The following CDHR2 variants were observed in gnomAD, a reference collection of about 807,000 sequenced individuals.
CDHR2 encodes the protein cadherin-related family member 2.
In CDHR2, 104 loss-of-function variants were observed where a neutral mutation model predicts 138.6. That is an observed-to-expected ratio of 0.75 (90% confidence interval 0.64 to 0.88). The LOEUF is 0.88. Ranked by LOEUF, CDHR2 falls within the 40% of genes least tolerant of loss-of-function variation. The pLI is 0.00. For missense variants in CDHR2, 1,624 were observed against 1,727.6 expected, an observed-to-expected ratio of 0.94 and a Z score of 1.06; for synonymous variants, 755 against 742.8, an observed-to-expected ratio of 1.02 and a Z score of -0.27.
chr5:176,575,654 C>T, intron 10 of CDHR2, 70 bp from the exon 11 acceptor site: 1 of 1,597,268 alleles, frequency 6.3e-7, no homozygotes, highest in East Asian at 2.2e-5. Context: ...TCCCTGGAGG[C>T]AATGGGCCTG....
chr5:176,587,500 T>A (rs1463885150), intron 21 of CDHR2, among the ~76,000 whole-genome samples: 3 of 152,004 alleles, frequency 2.0e-5, no homozygotes, highest in Non-Finnish European at 4.4e-5. Flanking sequence ...ATAAAAAGGC[T>A]TTCAGCTGTT....
rs1368371468 is a variant in CDHR2 at position 176,589,496 on chromosome 5, G to C, written c.3118-32G>C. The C allele has an allele frequency of 1.9e-6, 3 of 1,613,198 alleles. No homozygotes were observed. The South Asian group carries it at 3.3e-5, about 18-fold the overall frequency. On this transcript the variant is annotated intron_variant, in intron 23 of 31. Coordinates refer to ENST00000261944, the MANE Select transcript of CDHR2 (RefSeq NM_017675.6). ...CCCTCTGCCAGCCCCCAGGGTCCCTGGTGCCTCATCTCCTGCACACCCCCT... is the reference window on the plus strand; with the variant it reads ...CCCTCTGCCAGCCCCCAGGGTCCCTCGTGCCTCATCTCCTGCACACCCCCT...
chr5:176,575,855 A>T lies in CDHR2; in HGVS notation c.960+16A>T. 6.5e-7 allele frequency: 1 copy of T among 1,544,876 alleles called. No homozygotes were observed. Among genetic ancestry groups the T allele is most frequent in the Non-Finnish European group, 8.8e-7 (1 of 1,142,630 alleles). ...GCAGGTCACGGTGAGCAAAGGCCCC[A>T]CCACCCCTGTCAGAACCCTGCTCTC... is the stretch of plus-strand genomic sequence containing the variant. On this transcript the variant is annotated intron_variant, in intron 11 of 31. Coordinates refer to ENST00000261944, the MANE Select transcript of CDHR2 (RefSeq NM_017675.6).
At chr5:176,578,673 T>C in intron 16 of CDHR2, 65 bp downstream of exon 16, 1 of 1,588,206 alleles carries the variant, frequency 6.3e-7, no homozygotes, top group South Asian at 1.1e-5. Context: ...TCTGTGGGCA[T>C]GCTGGCCCTG....
At chr5:176,545,607 A>G (rs1581124979), upstream of CDHR2, among the ~76,000 whole-genome samples, 1 of 152,294 alleles carries the variant, frequency 6.6e-6, no homozygotes, top group African/African-American at 2.4e-5. Flanking sequence ...GAACAGGCCT[A>G]TGAGGTGGAG....
In CDHR2 at chr5:176,589,318, C is replaced by T. The variant is rs373716042; in HGVS notation, c.3009-12C>T. ...GGTTCCAAGACTGACCTGCGCCTCC[C>T]GCCTTCCGCAGGCCGGTGACCAGCC... is the stretch of plus-strand genomic sequence containing the variant. On this transcript the variant is annotated splice_polypyrimidine_tract_variant and intron_variant, in intron 22 of 31. Coordinates refer to ENST00000261944, the MANE Select transcript of CDHR2 (RefSeq NM_017675.6). 45 of 1,555,080 alleles carry T rather than the reference C, an allele frequency of 2.9e-5. No individual in the cohort carries two copies. The highest frequency in any genetic ancestry group is 1.7e-4 in the Middle Eastern group (1 of 5,784).
chr5:176,578,519 C>T lies in CDHR2; in HGVS notation c.1729C>T (p.Leu577=). Residue 577 remains leucine, a synonymous_variant, in exon 16 of 32, where the codon CTG becomes TTG. Transcript: ENST00000261944. ...SSSTTLQIHL[L]DINDNAPVVS... ...CTCCACCACACTGCAGATCCACCTG[C>T]TGGACATCAACGACAATGCACCCGT... 1 of 1,614,172 alleles carries T rather than the reference C, an allele frequency of 6.2e-7. No individual in the cohort carries two copies. Among genetic ancestry groups the T allele is most frequent in the Non-Finnish European group, 8.5e-7 (1 of 1,180,024 alleles).
intron 21 of CDHR2, 52 bp downstream of exon 21, chr5:176,586,894 G>A (rs1275158956): frequency 3.3e-6 from 5 of 1,501,638 alleles, no homozygotes; most frequent in Admixed American, 1.8e-5. Flanking sequence ...AGGGGACACA[G>A]GGCTGAGGCC....
chr5:176,577,375 C>T, intron 12 of CDHR2, 24 bp from the exon 13 acceptor site: 1 of 1,595,776 alleles, frequency 6.3e-7, no homozygotes, highest in South Asian at 1.1e-5. Flanking sequence ...GGACAGGTCC[C>T]TGCTAGACAG....
At chr5:176,549,033 C>G (rs970272358), upstream of CDHR2, among the ~76,000 whole-genome samples, 3 of 152,188 alleles carry the variant, frequency 2.0e-5, no homozygotes, top group African/African-American at 7.2e-5. Flanking sequence ...AGGGAGGGGA[C>G]GGGGGCTCTG....
chr5:176,561,327 G>A lies in CDHR2; in HGVS notation c.-15-4011G>A, dbSNP rs1044780836. Among the ~76,000 whole-genome samples, 3 of 152,278 alleles carry A rather than the reference G, an allele frequency of 2.0e-5. No individual in the cohort carries two copies. In the East Asian group the frequency reaches 5.8e-4, roughly 29 times the overall value. Reference sequence around the variant, plus strand: ...TTACACTCTGCTCTATCTCATGGGTGTTCTGGATAAGCCACCTGGGGTTGC... The same window carrying A: ...TTACACTCTGCTCTATCTCATGGGTATTCTGGATAAGCCACCTGGGGTTGC... On this transcript the variant is annotated intron_variant, in intron 1 of 31. Coordinates refer to ENST00000261944, the MANE Select transcript of CDHR2 (RefSeq NM_017675.6).
intron 1 of CDHR2, among the ~76,000 whole-genome samples, chr5:176,559,352 C>A (rs531040364): frequency 6.6e-6 from 1 of 152,318 alleles, no homozygotes; most frequent in Admixed American, 6.5e-5. Flanking sequence ...AGCCCCATAA[C>A]CTTCTGATTC....
rs1356666147 is a variant in CDHR2, at chr5:176,577,490, T to C, written c.1286T>C (p.Val429Ala). Reference sequence around the variant, plus strand: ...GAGCGGGCAGTGGGCTCAGCCTCCGTTCAGGTGCTGGTGAGAGTATCCGCG... The same window carrying C: ...GAGCGGGCAGTGGGCTCAGCCTCCGCTCAGGTGCTGGTGAGAGTATCCGCG... ...SPERAVGSAS[V>A]QVLVRVSALV... Residue 429 changes from valine (V) to alanine (A), a missense_variant, in exon 13 of 32, where the codon GTT becomes GCT. By Grantham distance (64) the Val-to-Ala change is moderately conservative. Coordinates refer to ENST00000261944, the MANE Select transcript of CDHR2 (RefSeq NM_017675.6). 1 of 1,611,958 alleles carries C rather than the reference T, an allele frequency of 6.2e-7. No individual in the cohort carries two copies. Among genetic ancestry groups the C allele is most frequent in the Non-Finnish European group, 8.5e-7 (1 of 1,179,376 alleles).
At chr5:176,573,952 G>C (rs531835339) in intron 6 of CDHR2, 131 bp from the exon 7 acceptor site, 22 of 674,372 alleles carry the variant, frequency 3.3e-5, no homozygotes, top group Non-Finnish European at 5.3e-5. Flanking sequence ...CCGCAGCCCT[G>C]GTGGGAAGGA....
In CDHR2 at chr5:176,589,093, C is replaced by A; in HGVS notation, c.2919C>A (p.Phe973Leu). 3 of 1,614,126 alleles carry A rather than the reference C, an allele frequency of 1.9e-6. No homozygotes were observed. Among genetic ancestry groups the A allele is most frequent in the Non-Finnish European group, 2.5e-6 (3 of 1,179,976 alleles). ...TGTTCTCCATCCTCCGAGTAGACTT[C>A]ATCTCTAAGGACGGGGCCACCATCC... ...VILFSILRVD[F>L]ISKDGATIPF... is the part of the protein sequence containing the mutation. Residue 973 changes from phenylalanine (F) to leucine (L), a missense_variant, in exon 22 of 32, where the codon TTC becomes TTA. Physicochemically the swap from Phe to Leu is conservative, Grantham distance 22. Coordinates refer to ENST00000261944, the MANE Select transcript of CDHR2 (RefSeq NM_017675.6).
intron 16 of CDHR2, among the ~76,000 whole-genome samples, chr5:176,578,861 C>CT (rs1010037577): frequency 2.5e-4 from 38 of 152,306 alleles, no homozygotes; most frequent in African/African-American, 8.9e-4. Flanking sequence ...ACATACACTT[C>CT]TTTTTTATTT....
Position 176,589,600 on chromosome 5 carries a change from AG to A in CDHR2, c.3191del (p.Arg1064AsnfsTer24). ...STPKEEVGAN[R>X]QAINAALTQA... is the part of the protein sequence containing the mutation. ...ACCGAAGGAGGAGGTGGGCGCCAAC[AG>A]ACAGGCGATTAATGCGTAGGTCTGG... On this transcript the variant is annotated frameshift_variant, in exon 24 of 32. Transcript: ENST00000261944. LOFTEE classifies it high-confidence loss of function. 2 of 1,613,984 alleles carry A rather than the reference AG, an allele frequency of 1.2e-6. No homozygotes were observed. The highest frequency in any genetic ancestry group is 1.7e-6 in the Non-Finnish European group (2 of 1,180,002).
At chr5:176,588,710 TGA>T (rs1191534203) in intron 21 of CDHR2, among the ~76,000 whole-genome samples, 3 of 106,904 alleles carry the variant, frequency 2.8e-5, no homozygotes, top group African/African-American at 7.0e-5. Flanking sequence ...ACTGTGTGTG[TGA>T]GTGTGTGTGT....
At chr5:176,568,912 C>A (rs36018611) in intron 4 of CDHR2, 48 bp from the exon 5 acceptor site, 337,706 of 1,611,900 alleles carry the variant, frequency 0.21, 39,393 homozygotes, top group East Asian at 0.48. Context: ...CCCTGTGCTC[C>A]CACCCAGCGG....
Sources: allele counts gnomAD v4.1 joint callset (sites outside exome capture counted in the v4.1 genomes callset), GRCh38; gene constraint gnomAD v4.1.1; transcripts MANE v1.5; gene names NCBI Gene and HGNC (gene_info 2026-07-23, HGNC 2026-07-21).